Variants in NAGLU observed in about 807,000 individuals in gnomAD.
The protein encoded by NAGLU is N-acetyl-alpha-glucosaminidase.
NAGLU carries 34 observed loss-of-function variants against 43.4 expected under a neutral mutation model. That is an observed-to-expected ratio of 0.78 (90% CI 0.60 to 1.04). The LOEUF (loss-of-function observed/expected upper bound fraction) is 1.04, where lower values mean the gene tolerates loss of function less well. Ranked by LOEUF, NAGLU falls within the 50% of genes least tolerant of loss-of-function variation. The pLI is 0.00. For synonymous variants in NAGLU, 425 were observed against 437.6 expected (o/e 0.97, Z 0.36); for missense variants, 910 against 993.7 (o/e 0.92, Z 1.13).
In NAGLU at chr17:42,543,328, C is replaced by G. The variant is rs138695961; in HGVS notation, c.1322C>G (p.Thr441Arg). The G allele has an allele frequency of 6.2e-7, 1 of 1,613,436 alleles. No individual in the cohort carries two copies. Among genetic ancestry groups the G allele is most frequent in the Non-Finnish European group, 8.5e-7 (1 of 1,180,012 alleles). The part of the protein sequence containing the change: ...RLFPNSTMVG[T>R]GMAPEGISQN... ...TTCCCCAACTCCACCATGGTAGGCA[C>G]GGGCATGGCCCCCGAGGGCATCAGC... Residue 441 changes from threonine to arginine, a missense_variant, in exon 6 of 6, where the codon ACG becomes AGG. By Grantham distance (71) the Thr-to-Arg change is moderately conservative. Transcript: ENST00000225927.
In NAGLU at chr17:42,544,409, C is replaced by A; in HGVS notation, c.*171C>A. ...GAAATGACCTGCCCTCCACCACCAC[C>A]CAAAGTGTGGGATTAAAGTACTGTT... On this transcript the variant is annotated 3_prime_UTR_variant, in exon 6 of 6. Transcript: ENST00000225927. 2.1e-6 allele frequency: 2 copies of A among 950,216 alleles called. No individual in the cohort carries two copies. Among genetic ancestry groups the A allele is most frequent in the South Asian group, 1.5e-5 (1 of 66,928 alleles). The allele number at this position is 950,216 out of a possible 1,614,324, so 58.9% of individuals were successfully genotyped here. A position where few individuals can be genotyped will look rare whatever the true frequency, so the allele number is the denominator to read the frequency against.
rs1414955847 is a variant in NAGLU at position 42,536,677 on chromosome 17, G to A, written c.383+22G>A. The A allele has an allele frequency of 4.8e-6, 7 of 1,458,616 alleles. No individual in the cohort carries two copies. In the South Asian group the frequency reaches 7.8e-5, roughly 16 times the overall value. 90.4% of individuals were successfully genotyped at this position (1,458,616 alleles called of 1,614,324 possible). Reference sequence around the variant, plus strand: ...ACAGGTACCGCCCCGAAGCTTCCCCGCGTCCGCCCGAGGCGCTTACCCCCT... The same window carrying A: ...ACAGGTACCGCCCCGAAGCTTCCCCACGTCCGCCCGAGGCGCTTACCCCCT... On this transcript the variant is annotated intron_variant, in intron 1 of 5. Transcript: ENST00000225927.
At chr17:42,539,866 C>T (rs1005652859) in intron 4 of NAGLU, among the ~76,000 whole-genome samples, 1 of 152,046 alleles carries the variant, frequency 6.6e-6, no homozygotes, top group South Asian at 2.1e-4. Flanking sequence ...GTAATCCTAG[C>T]GTTTTGGGAG....
intron 1 of NAGLU, 85 bp from the exon 2 acceptor site, chr17:42,537,313 C>T (rs749241191): frequency 2.5e-6 from 4 of 1,603,052 alleles, no homozygotes; most frequent in East Asian, 2.2e-5. Context: ...CCTCCCCTCT[C>T]CTCTAGGTGG....
At chr17:42,542,185 C>T (rs1177655863) in intron 5 of NAGLU, among the ~76,000 whole-genome samples, 1 of 152,098 alleles carries the variant, frequency 6.6e-6, no homozygotes, top group Non-Finnish European at 1.5e-5. Flanking sequence ...GCCTCAGCCT[C>T]CTGAGTAGCT....
chr17:42,542,408 G>C (rs1262434989), intron 5 of NAGLU, among the ~76,000 whole-genome samples: 1 of 152,046 alleles, frequency 6.6e-6, no homozygotes, highest in Admixed American at 6.5e-5. Context: ...ATGGTGGCCA[G>C]ACTGGTCTCA....
At chr17:42,538,054 C>T (rs2092911721) in intron 2 of NAGLU, among the ~76,000 whole-genome samples, 1 of 152,134 alleles carries the variant, frequency 6.6e-6, no homozygotes, top group Non-Finnish European at 1.5e-5. Flanking sequence ...TTGCCCTGCC[C>T]TTCCATCTGG....
chr17:42,541,281 A>C, intron 5 of NAGLU, 75 bp downstream of exon 5: 1 of 1,586,352 alleles, frequency 6.3e-7, no homozygotes, highest in Non-Finnish European at 8.6e-7. Context: ...CAGTAGGGGT[A>C]GGCAGAGGGA....
At chr17:42,539,555 C>G (rs1233587977) in intron 4 of NAGLU, among the ~76,000 whole-genome samples, 2 of 152,254 alleles carry the variant, frequency 1.3e-5, no homozygotes, top group African/African-American at 2.4e-5. Context: ...CCTCCCTGCC[C>G]GCCTCTTTGC....
At chr17:42,536,706 G>A (rs1002779340) in intron 1 of NAGLU, 51 bp downstream of exon 1, 82 of 1,376,700 alleles carry the variant, frequency 6.0e-5, no homozygotes, top group Non-Finnish European at 7.6e-5. Flanking sequence ...ACCCCCTCCC[G>A]GAGCCGCTGC....
rs868244206 is a variant in NAGLU at position 42,543,448 on chromosome 17, G to A, written c.1442G>A (p.Arg481Gln). The A allele has an allele frequency of 5.0e-6, 8 of 1,597,854 alleles. No homozygotes were observed. The Admixed American group carries it at 5.2e-5, about 10-fold the overall frequency. The change falls in exon 6 of 6, where the codon CGG becomes CAG. Residue 481 changes from arginine to glutamine, a missense_variant. Coordinates refer to ENST00000225927, the MANE Select transcript of NAGLU (RefSeq NM_000263.4). ...GCCTGGGTGACCAGCTTTGCCGCCC[G>A]GCGGTATGGGGTCTCCCACCCGGAC... Reference protein sequence around the residue: ...LAAWVTSFAARRYGVSHPDAG... With the variant: ...LAAWVTSFAAQRYGVSHPDAG...
intron 4 of NAGLU, 26 bp downstream of exon 4, chr17:42,538,781 T>A: frequency 3.7e-6 from 6 of 1,612,328 alleles, no homozygotes; most frequent in Non-Finnish European, 5.1e-6. Flanking sequence ...CCCCCTCCAC[T>A]TAGCTCAGAG....
chr17:42,537,344 G>C (rs2092909180), intron 1 of NAGLU, 54 bp from the exon 2 acceptor site: 6 of 1,612,724 alleles, frequency 3.7e-6, no homozygotes, highest in Non-Finnish European at 4.2e-6. Flanking sequence ...ATTTGTTCCA[G>C]GGCCGTGGAC....
At position 42,543,080 on chromosome 17, in the gene NAGLU, G is replaced by T. The variant is rs760335984; in HGVS notation, c.1074G>T (p.Pro358=). 6.2e-7 allele frequency: 1 copy of T among 1,610,216 alleles called. No homozygotes were observed. Among genetic ancestry groups the T allele is most frequent in the Non-Finnish European group, 8.5e-7 (1 of 1,180,022 alleles). The change falls in exon 6 of 6, where the codon CCG becomes CCT. Residue 358 remains proline, a synonymous_variant. Transcript: ENST00000225927. ...AAGGCTGGCTCTTCCAGCACCAGCC[G>T]CAGTTCTGGGGGCCCGCCCAGATCA... is the stretch of plus-strand genomic sequence containing the variant. ...LLQGWLFQHQ[P]QFWGPAQIRA...
intron 4 of NAGLU, among the ~76,000 whole-genome samples, chr17:42,539,280 A>C (rs2092915572): frequency 6.6e-6 from 1 of 152,200 alleles, no homozygotes; most frequent in African/African-American, 2.4e-5. Context: ...GTTTGTAATT[A>C]TCTCTCGATC....
In NAGLU at chr17:42,540,957, C is replaced by A. The variant is rs1160168612; in HGVS notation, c.772C>A (p.Pro258Thr). ...GCTTTTGCTCCCCACTAGGGTGTTCCCTCAGGTCAATGTCACGAAGATGGG... is the reference window on the plus strand; with the variant it reads ...GCTTTTGCTCCCCACTAGGGTGTTCACTCAGGTCAATGTCACGAAGATGGG... ...HVPEAVTRVF[P>T]QVNVTKMGSW... The change falls in exon 5 of 6, where the codon CCT becomes ACT. Residue 258 changes from proline (P) to threonine (T), a missense_variant. By Grantham distance (38) the Pro-to-Thr change is conservative. Coordinates refer to ENST00000225927, the MANE Select transcript of NAGLU (RefSeq NM_000263.4). 1 of 1,614,048 alleles carries A rather than the reference C, an allele frequency of 6.2e-7. No individual in the cohort carries two copies. The highest frequency in any genetic ancestry group is 8.5e-7 in the Non-Finnish European group (1 of 1,180,048).
rs1466856426 is a variant in NAGLU, at chr17:42,543,404, C to G, written c.1398C>G (p.Asp466Glu). Residue 466 changes from aspartate (D) to glutamate (E), a missense_variant, in exon 6 of 6, where the codon GAC becomes GAG. Asp to Glu is a conservative substitution (Grantham distance 45). Coordinates refer to ENST00000225927, the MANE Select transcript of NAGLU (RefSeq NM_000263.4). ...SLMAELGWRK[D>E]PVPDLAAWVT... ...TGGCTGAGCTGGGCTGGCGAAAGGA[C>G]CCAGTGCCAGATTTGGCAGCCTGGG... is the stretch of plus-strand genomic sequence containing the variant. 4.4e-6 allele frequency: 7 copies of G among 1,605,800 alleles called. No individual in the cohort carries two copies. Among genetic ancestry groups the G allele is most frequent in the Non-Finnish European group, 5.9e-6 (7 of 1,176,796 alleles).
chr17:42,544,163 G>T lies in NAGLU; in HGVS notation c.2157G>T (p.Pro719=), dbSNP rs114687267. The part of the protein sequence containing the change: ...VLSKQRYPSQ[P]RGDTVDLAKK... ...GCAAGCAGAGGTACCCCAGCCAGCC[G>T]CGAGGAGACACTGTGGACCTGGCCA... The change falls in exon 6 of 6, where the codon CCG becomes CCT. Residue 719 remains proline, a synonymous_variant. Transcript: ENST00000225927. 8 of 1,613,692 alleles carry T rather than the reference G, an allele frequency of 5.0e-6. No homozygotes were observed. The highest frequency in any genetic ancestry group is 6.8e-6 in the Non-Finnish European group (8 of 1,180,030).
In NAGLU at chr17:42,544,443, AC is replaced by A. The variant is rs1461636334; in HGVS notation, c.*206del. 13 of 739,244 alleles carry A rather than the reference AC, an allele frequency of 1.8e-5. No homozygotes were observed. The East Asian group carries it at 3.6e-4, about 20-fold the overall frequency. The allele number at this position is 739,244 out of a possible 1,614,324, so 45.8% of individuals were successfully genotyped here. A position where few individuals can be genotyped will look rare whatever the true frequency, so the allele number is the denominator to read the frequency against. ...GGGATTAAAGTACTGTTTTCTTTCC[AC>A]TTAAACTGATGAGTCCCCTGGGTCT... is the stretch of plus-strand genomic sequence containing the variant. On this transcript the variant is annotated 3_prime_UTR_variant, in exon 6 of 6. Transcript: ENST00000225927.
Sources: gnomAD v4.1 joint callset for allele counts (sites outside exome capture counted in the v4.1 genomes callset) on GRCh38, gnomAD v4.1.1 for gene constraint, MANE v1.5 for transcripts, NCBI Gene and HGNC (gene_info 2026-07-23, HGNC 2026-07-21) for gene names.